UNC13C: variants seen among roughly 807,000 people sequenced by gnomAD.
UNC13C encodes the protein unc-13 homolog C, also known as protein unc-13 homolog C.
Under a neutral mutation model 245.4 loss-of-function variants are expected in UNC13C, and 174 were observed. The observed-to-expected ratio is 0.71, with a 90% CI of 0.63 to 0.80. The LOEUF (loss-of-function observed/expected upper bound fraction) is 0.80. UNC13C is among the 30% of genes least tolerant of loss of function. UNC13C has a pLI of 0.00. For synonymous variants in UNC13C, 992 were observed against 895.1 expected, an observed-to-expected ratio of 1.11 and a Z score of -1.93; for missense variants, 2,829 against 2,602.9, an observed-to-expected ratio of 1.09 and a Z score of -1.89.
rs200465228 is a variant in UNC13C, at chr15:54,178,805, C to A, written c.3071+35121C>A. ...GGGGGTCATGCTGAAGGCCTGGGAG[C>A]TTTACAGAGAAGTCTGACCTGTTCC... On this transcript the variant is annotated intron_variant, in intron 4 of 32. Coordinates refer to ENST00000260323, the MANE Select transcript of UNC13C (RefSeq NM_001080534.3). 4.6e-5 allele frequency among the ~76,000 whole-genome samples: 7 copies of A among 152,216 alleles called. No homozygotes were observed. The East Asian group carries it at 1.4e-3, about 29-fold the overall frequency.
At chr15:54,174,680 G>A (rs1288091392) in intron 4 of UNC13C, among the ~76,000 whole-genome samples, 1 of 152,082 alleles carries the variant, frequency 6.6e-6, no homozygotes, top group East Asian at 1.9e-4. Flanking sequence ...GCAAAACGAA[G>A]CCTGGACCAT....
intron 30 of UNC13C, among the ~76,000 whole-genome samples, chr15:54,586,257 A>T (rs1898485912): frequency 6.6e-6 from 1 of 152,256 alleles, no homozygotes; most frequent in Non-Finnish European, 1.5e-5. Flanking sequence ...AGAACATATT[A>T]GTCATATATT....
At chr15:54,365,893 A>G (rs2039354145) in intron 17 of UNC13C, among the ~76,000 whole-genome samples, 1 of 152,222 alleles carries the variant, frequency 6.6e-6, no homozygotes. Flanking sequence ...TTGTAAAATC[A>G]TCGTGAGTTT....
intron 2 of UNC13C, among the ~76,000 whole-genome samples, chr15:54,112,735 G>A (rs914612246): frequency 2.5e-4 from 38 of 152,232 alleles, no homozygotes; most frequent in Middle Eastern, 3.4e-3. Context: ...ACCTTACTGA[G>A]GACTTTCTTA....
At position 54,014,219 on chromosome 15, in the gene UNC13C, C is replaced by T. The variant is rs1895526947; in HGVS notation, c.1316C>T (p.Pro439Leu). The T allele has an allele frequency of 6.2e-7, 1 of 1,613,670 alleles. No individual in the cohort carries two copies. Among genetic ancestry groups the T allele is most frequent in the Non-Finnish European group, 8.5e-7 (1 of 1,179,834 alleles). The change falls in exon 2 of 33, where the codon CCA (proline) becomes CTA (leucine). Residue 439 changes from proline (P) to leucine (L), a missense_variant. Coordinates refer to ENST00000260323, the MANE Select transcript of UNC13C (RefSeq NM_001080534.3). The part of the protein sequence containing the change: ...SMAIKLSTPE[P>L]KIKKNNWQSP... ...GCTATAAAGTTGTCTACTCCAGAGC[C>T]AAAAATCAAGAAGAACAATTGGCAG...
the UNC13C span, among the ~76,000 whole-genome samples, chr15:53,920,987 G>T: frequency 1.3e-5 from 2 of 152,064 alleles, no homozygotes; most frequent in African/African-American, 2.4e-5. Flanking sequence ...GCTAGAGGGA[G>T]TAATATTTGA....
chr15:54,192,319 T>C (rs1567084607), intron 4 of UNC13C, among the ~76,000 whole-genome samples: 1 of 152,146 alleles, frequency 6.6e-6, no homozygotes, highest in East Asian at 1.9e-4. Flanking sequence ...TTTCCTATTG[T>C]TGTTGTTGTT....
rs149447404 is a variant in UNC13C, at chr15:54,065,942, A to C, written c.2983+50056A>C. Among the ~76,000 whole-genome samples the C allele has an allele frequency of 3.3e-3, 498 of 152,288 alleles. 4 individuals carry two copies. Among genetic ancestry groups the C allele is most frequent in the Non-Finnish European group, 5.6e-3 (378 of 68,028 alleles). Reference sequence around the variant, plus strand: ...AACAAAGCAAGCACAGTTTGAATTTAATTATTTTCTCTTCCATGATTACTT... The same window carrying C: ...AACAAAGCAAGCACAGTTTGAATTTCATTATTTTCTCTTCCATGATTACTT... On this transcript the variant is annotated intron_variant, in intron 2 of 32. Transcript: ENST00000260323.
chr15:54,612,114 T>G (rs1042054428), intron 30 of UNC13C, among the ~76,000 whole-genome samples: 3 of 152,092 alleles, frequency 2.0e-5, no homozygotes, highest in Non-Finnish European at 4.4e-5. Context: ...ATTACTAAAC[T>G]CAAATATGCA....
At chr15:54,019,381 T>A (rs1895797768) in intron 2 of UNC13C, among the ~76,000 whole-genome samples, 1 of 152,222 alleles carries the variant, frequency 6.6e-6, no homozygotes, top group African/African-American at 2.4e-5. Flanking sequence ...CCAGTATGAA[T>A]ATGAAAGGCA....
chr15:54,386,510 G>A (rs1158680965), intron 17 of UNC13C, among the ~76,000 whole-genome samples: 1 of 152,130 alleles, frequency 6.6e-6, no homozygotes, highest in African/African-American at 2.4e-5. Context: ...GATTTGTTTA[G>A]GGAGTATATT....
chr15:54,500,885 C>A lies in UNC13C; in HGVS notation c.5208C>A (p.Val1736=). The change falls in exon 22 of 33, where the codon GTC becomes GTA. Residue 1736 remains valine (V), a synonymous_variant. Coordinates refer to ENST00000260323, the MANE Select transcript of UNC13C (RefSeq NM_001080534.3). ...TCTTTTCTTGCTCCGTGGTTGATGT[C>A]TTTGCTCAGCTGAATCAGAGCTTTG... ...HALFSCSVVD[V]FAQLNQSFEI... is the part of the protein sequence containing the mutation. The A allele has an allele frequency of 6.2e-7, 1 of 1,613,006 alleles. No homozygotes were observed.
upstream of UNC13C, among the ~76,000 whole-genome samples, chr15:53,976,475 C>CTTTTTTTTTTTTTTTTTT (rs879775519): frequency 2.0e-4 from 13 of 63,728 alleles, 2 homozygotes; most frequent in Non-Finnish European, 2.5e-4. Flanking sequence ...CTCTCTCTCT[C>CTTTTTTTTTTTTTTTTTT]TCTTTTTTTT....
intron 2 of UNC13C, among the ~76,000 whole-genome samples, chr15:54,090,336 A>G (rs1280965522): frequency 6.6e-6 from 1 of 152,146 alleles, no homozygotes; most frequent in Admixed American, 6.5e-5. Context: ...TTAAGGATGA[A>G]GGGACAAGAA....
At chr15:53,904,841 C>T in the UNC13C span, among the ~76,000 whole-genome samples, 1 of 152,040 alleles carries the variant, frequency 6.6e-6, no homozygotes, top group African/African-American at 2.4e-5. Flanking sequence ...CTTTATGATG[C>T]CTCATTTTAT....
Position 54,015,218 on chromosome 15 carries a change from A to T in UNC13C, c.2315A>T (p.Glu772Val). The T allele has an allele frequency of 6.2e-7, 1 of 1,613,350 alleles. No homozygotes were observed. Among genetic ancestry groups the T allele is most frequent in the Non-Finnish European group, 8.5e-7 (1 of 1,179,686 alleles). The change falls in exon 2 of 33, where the codon GAG becomes GTG. Residue 772 changes from glutamate to valine, a missense_variant. By Grantham distance (121) the Glu-to-Val change is moderately radical (BLOSUM62 -2). Coordinates refer to ENST00000260323, the MANE Select transcript of UNC13C (RefSeq NM_001080534.3). ...AGTGAATTGCAAAGTGATGATTCAG[A>T]GGATGCCCCACCCAAATCATGGCAT... is the stretch of plus-strand genomic sequence containing the variant. ...SQSELQSDDS[E>V]DAPPKSWHSR...
chr15:54,247,076 A>G (rs1035294240), intron 7 of UNC13C, among the ~76,000 whole-genome samples: 11 of 152,094 alleles, frequency 7.2e-5, no homozygotes, highest in African/African-American at 2.7e-4. Flanking sequence ...TCTCTTGATA[A>G]CATACTCAGT....
chr15:54,154,764 C>T (rs908451486), intron 4 of UNC13C, among the ~76,000 whole-genome samples: 1 of 152,160 alleles, frequency 6.6e-6, no homozygotes, highest in African/African-American at 2.4e-5. Context: ...AGTGAGAATT[C>T]ATGTTAGAGG....
At chr15:54,590,531 T>G (rs965861598) in intron 30 of UNC13C, among the ~76,000 whole-genome samples, 6 of 152,070 alleles carry the variant, frequency 3.9e-5, no homozygotes, top group African/African-American at 7.3e-5. Flanking sequence ...CCTAAGGGTT[T>G]GTTTGTTTGT....
Sources: gnomAD v4.1 joint callset for allele counts (sites outside exome capture counted in the v4.1 genomes callset) on GRCh38, gnomAD v4.1.1 for gene constraint, MANE v1.5 for transcripts, NCBI Gene and HGNC (gene_info 2026-07-23, HGNC 2026-07-21) for gene names.